PTPN13: variants seen among roughly 807,000 people sequenced by gnomAD.
PTPN13 encodes tyrosine-protein phosphatase non-receptor type 13.
A neutral mutation model predicts 284.0 loss-of-function variants in PTPN13; 191 were observed. The ratio of observed to expected loss-of-function variants is 0.67; its 90% confidence interval spans 0.60 to 0.76. The LOEUF is 0.76. PTPN13 is among the 30% of genes least tolerant of loss of function. PTPN13 has a pLI of 0.00. For synonymous variants in PTPN13, 986 were observed against 1,022.3 expected (o/e 0.96, Z 0.68); for missense variants, 2,797 against 2,939.9 (o/e 0.95, Z 1.12).
intron 40 of PTPN13, among the ~76,000 whole-genome samples, chr4:86,795,907 G>T (rs536646034): frequency 3.4e-4 from 52 of 152,264 alleles, no homozygotes; most frequent in Non-Finnish European, 5.7e-4. Context: ...GGGCCTGGGG[G>T]AGGGATAGCA....
intron 1 of PTPN13, among the ~76,000 whole-genome samples, chr4:86,614,822 T>C (rs995398964): frequency 2.0e-5 from 3 of 152,142 alleles, no homozygotes; most frequent in Admixed American, 6.5e-5. Flanking sequence ...TTAAGAAAGC[T>C]GAAATGCCCT....
intron 15 of PTPN13, among the ~76,000 whole-genome samples, chr4:86,737,960 C>G (rs2057244690): frequency 6.6e-6 from 1 of 152,164 alleles, no homozygotes; most frequent in African/African-American, 2.4e-5. Flanking sequence ...GATCTCTTGA[C>G]CTTGTGATCC....
intron 2 of PTPN13, among the ~76,000 whole-genome samples, chr4:86,653,495 C>CTTTTTTT (rs561218570): frequency 1.4e-5 from 2 of 141,068 alleles, no homozygotes; most frequent in Admixed American, 7.1e-5. Context: ...CGCCTCAACT[C>CTTTTTTT]TTTTTTTTTT....
intron 7 of PTPN13, among the ~76,000 whole-genome samples, chr4:86,708,792 A>G (rs1232227269): frequency 1.3e-5 from 2 of 152,048 alleles, no homozygotes; most frequent in Admixed American, 1.3e-4. Context: ...GCCATTTACC[A>G]ATGTTCCATC....
intron 20 of PTPN13, among the ~76,000 whole-genome samples, chr4:86,757,273 G>T (rs2006842): frequency 0.29 from 44,009 of 151,872 alleles, 6,446 homozygotes; most frequent in Admixed American, 0.31. Flanking sequence ...ATTTATCAAG[G>T]ACTGACTTCA....
At chr4:86,755,584 T>G (rs1294320843) in intron 20 of PTPN13, among the ~76,000 whole-genome samples, 10 of 152,024 alleles carry the variant, frequency 6.6e-5, no homozygotes, top group Non-Finnish European at 1.5e-4. Context: ...GACTTTACAG[T>G]GGTGCAAAAG....
At chr4:86,679,892 T>G (rs1475748678) in intron 3 of PTPN13, among the ~76,000 whole-genome samples, 1 of 152,234 alleles carries the variant, frequency 6.6e-6, no homozygotes, top group African/African-American at 2.4e-5. Context: ...TTCCCAATGA[T>G]GATAATTTTA....
In PTPN13 at chr4:86,762,747, C is replaced by T. The variant is rs757143366; in HGVS notation, c.3574C>T (p.Leu1192Phe). ...TTTAGTGCCTTCTACTCCTGTGCAT[C>T]TCACCAATGAGATGAAAAACTACAT... ...ISKVPSTPVH[L>F]TNEMKNYMKK... is the part of the protein sequence containing the mutation. Residue 1192 changes from leucine (L) to phenylalanine (F), a missense_variant, in exon 24 of 48, where the codon CTC becomes TTC. Coordinates refer to ENST00000411767, the MANE Select transcript of PTPN13 (RefSeq NM_080683.3). 1 of 1,601,016 alleles carries T rather than the reference C, an allele frequency of 6.2e-7. No homozygotes were observed. The highest frequency in any genetic ancestry group is 1.1e-5 in the South Asian group (1 of 90,828).
At chr4:86,715,649 C>T (rs1047218366) in intron 7 of PTPN13, among the ~76,000 whole-genome samples, 1 of 152,074 alleles carries the variant, frequency 6.6e-6, no homozygotes, top group Non-Finnish European at 1.5e-5. Flanking sequence ...GAATACCAAG[C>T]TAAGAAGTTT....
chr4:86,715,453 G>A (rs1345426937), intron 7 of PTPN13, among the ~76,000 whole-genome samples: 5 of 152,252 alleles, frequency 3.3e-5, no homozygotes, highest in South Asian at 4.1e-4. Flanking sequence ...GGAGCCAGGC[G>A]TGGTGGCACA....
chr4:86,803,893 G>A (rs777516135), intron 43 of PTPN13, 36 bp downstream of exon 43: 187 of 1,596,728 alleles, frequency 1.2e-4, no homozygotes, highest in South Asian at 2.6e-4. Flanking sequence ...CTCCCAAAGT[G>A]TATGCATTTA....
At chr4:86,601,884 GAT>G (rs1948822562) in intron 1 of PTPN13, among the ~76,000 whole-genome samples, 1 of 152,086 alleles carries the variant, frequency 6.6e-6, no homozygotes, top group South Asian at 2.1e-4. Flanking sequence ...CTTATTCATT[GAT>G]TCCTATTCTT....
chr4:86,745,626 A>T (rs1247692945), intron 17 of PTPN13, among the ~76,000 whole-genome samples: 3 of 152,034 alleles, frequency 2.0e-5, no homozygotes, highest in Admixed American at 6.6e-5. Context: ...AATACAAAAA[A>T]TCAGCCAGGC....
intron 31 of PTPN13, 52 bp from the exon 32 acceptor site, chr4:86,772,726 A>G: frequency 7.0e-7 from 1 of 1,432,582 alleles, no homozygotes; most frequent in Non-Finnish European, 9.5e-7. Flanking sequence ...CAAACTAACC[A>G]TATTGACATT....
chr4:86,734,066 C>T (rs1263316067), intron 12 of PTPN13, among the ~76,000 whole-genome samples: 1 of 152,056 alleles, frequency 6.6e-6, no homozygotes, highest in Admixed American at 6.6e-5. Flanking sequence ...AATGTTGTGA[C>T]CAGGTGTTGA....
chr4:86,795,609 G>T (rs1348184484), intron 40 of PTPN13, among the ~76,000 whole-genome samples: 1 of 152,092 alleles, frequency 6.6e-6, no homozygotes, highest in East Asian at 1.9e-4. Flanking sequence ...TTGCAGCACT[G>T]TTCACAATAG....
intron 7 of PTPN13, among the ~76,000 whole-genome samples, chr4:86,714,291 T>C (rs1209258830): frequency 6.6e-6 from 1 of 152,206 alleles, no homozygotes; most frequent in African/African-American, 2.4e-5. Flanking sequence ...CATTATGATA[T>C]GAATATCTTG....
intron 1 of PTPN13, among the ~76,000 whole-genome samples, chr4:86,607,337 G>A (rs1764866318): frequency 6.6e-6 from 1 of 151,720 alleles, no homozygotes; most frequent in Non-Finnish European, 1.5e-5. Flanking sequence ...TAATATATAC[G>A]TGTATGCTTA....
intron 17 of PTPN13, among the ~76,000 whole-genome samples, chr4:86,749,774 C>T (rs1737179933): frequency 6.6e-6 from 1 of 152,182 alleles, no homozygotes; most frequent in African/African-American, 2.4e-5. Flanking sequence ...CAGATTAGTA[C>T]TGTTTGATTC....
Sources: allele counts gnomAD v4.1 joint callset (sites outside exome capture counted in the v4.1 genomes callset), GRCh38; gene constraint gnomAD v4.1.1; transcripts MANE v1.5; gene names NCBI Gene and HGNC (gene_info 2026-07-23, HGNC 2026-07-21).